PDZD2: variants seen among roughly 807,000 people sequenced by gnomAD.
PDZD2 encodes the protein PDZ domain-containing protein 2.
A neutral mutation model predicts 220.7 loss-of-function variants in PDZD2; 90 were observed. The ratio of observed to expected loss-of-function variants is 0.41; its 90% CI spans 0.34 to 0.49. The LOEUF is 0.49. Ranked by LOEUF, PDZD2 falls within the 20% of genes least tolerant of loss-of-function variation. PDZD2 has a pLI of 0.28. For synonymous variants in PDZD2, 1,375 were observed against 1,450.5 expected, an observed-to-expected ratio of 0.95 and a Z score of 1.18; for missense variants, 3,174 against 3,608.5, an observed-to-expected ratio of 0.88 and a Z score of 3.08.
rs768997281 is a variant in PDZD2 at position 32,098,581 on chromosome 5, C to G, written c.8165C>G (p.Ala2722Gly). 8 of 1,613,950 alleles carry G rather than the reference C, an allele frequency of 5.0e-6. No homozygotes were observed. Among genetic ancestry groups the G allele is most frequent in the Middle Eastern group, 1.6e-4 (1 of 6,082 alleles). Residue 2722 changes from alanine to glycine, a missense_variant, in exon 23 of 25, where the codon GCC (alanine) becomes GGC (glycine). By Grantham distance (60) the Ala-to-Gly change is moderately conservative. Transcript: ENST00000438447. This position sits in a 1 kb window ranked among gnomAD's most constrained non-coding sequence, Gnocchi z 4.1. ...TCTGCCCGGCAGGAGCCTCCCACAG[C>G]CAATGGGAAGGGTTTGCTGTCCAGA... ...RPSARQEPPT[A>G]NGKGLLSRKT...
At chr5:31,921,183 C>T (rs1238451672) in intron 2 of PDZD2, among the ~76,000 whole-genome samples, 1 of 152,126 alleles carries the variant, frequency 6.6e-6, no homozygotes, top group Non-Finnish European at 1.5e-5. Flanking sequence ...AGCCTGGTGC[C>T]AGAGAAGAAA....
chr5:32,034,464 T>C (rs1185507603), intron 6 of PDZD2, among the ~76,000 whole-genome samples: 3 of 151,736 alleles, frequency 2.0e-5, no homozygotes, highest in African/African-American at 7.3e-5. Context: ...GCTCGAGCTA[T>C]TCTTGTGCCT....
intron 2 of PDZD2, among the ~76,000 whole-genome samples, chr5:31,856,925 T>C: frequency 6.9e-6 from 1 of 145,570 alleles, no homozygotes. Flanking sequence ...TATATATATA[T>C]ATATATATAT....
intron 17 of PDZD2, among the ~76,000 whole-genome samples, chr5:32,073,125 C>T (rs1385446566): frequency 6.6e-6 from 1 of 152,056 alleles, no homozygotes; most frequent in Non-Finnish European, 1.5e-5. Flanking sequence ...GAGGTTTCCT[C>T]TTAATTTCTA....
At position 32,109,905 on chromosome 5, in the gene PDZD2, CTCA is replaced by C. The variant is rs139747768; in HGVS notation, c.*1774_*1776del. On this transcript the variant is annotated 3_prime_UTR_variant, in exon 25 of 25. Transcript: ENST00000438447. Reference sequence around the variant, plus strand: ...AGCTGGCTTGTCTGAGTCCAGATTTCTCATCAACTGGCAATACAAAGGAAAATA... The same window carrying C: ...AGCTGGCTTGTCTGAGTCCAGATTTCTCAACTGGCAATACAAAGGAAAATA... The C allele has an allele frequency of 2.0e-5, 3 of 152,612 alleles. No individual in the cohort carries two copies. Among genetic ancestry groups the C allele is most frequent in the Non-Finnish European group, 4.4e-5 (3 of 68,032 alleles). 9.5% of individuals were successfully genotyped at this position (152,612 alleles called of 1,614,324 possible).
In PDZD2 at chr5:31,768,416, G is replaced by A. The variant is rs10073946; in HGVS notation, c.-360-30473G>A. Among the ~76,000 whole-genome samples, 1,127 of 152,178 alleles carry A rather than the reference G, an allele frequency of 7.4e-3. 11 individuals carry two copies. Among genetic ancestry groups the A allele is most frequent in the African/African-American group, 0.026 (1,085 of 41,526 alleles). Reference sequence around the variant, plus strand: ...CCAGCACTTTGGGAGCCTGAGGTGGGTGGATCACAAGGTCAGGAGTTTGAG... The same window carrying A: ...CCAGCACTTTGGGAGCCTGAGGTGGATGGATCACAAGGTCAGGAGTTTGAG... On this transcript the variant is annotated intron_variant, in intron 1 of 24. Transcript: ENST00000438447.
intron 1 of PDZD2, among the ~76,000 whole-genome samples, chr5:31,759,902 T>G (rs1352403190): frequency 6.6e-6 from 1 of 152,186 alleles, no homozygotes; most frequent in Non-Finnish European, 1.5e-5. Context: ...TTGTCATTCA[T>G]TCTGATGCCT....
In PDZD2 at chr5:31,819,285, A is replaced by G. The variant is rs559362425; in HGVS notation, c.476+19561A>G. On this transcript the variant is annotated intron_variant, in intron 2 of 24. Transcript: ENST00000438447. ...CTTTTTAACAGCTGTATAGTATCCC[A>G]CTGGAGGTTCCTCATGTGATTTATT... 2.6e-5 allele frequency among the ~76,000 whole-genome samples: 4 copies of G among 152,216 alleles called. No homozygotes were observed. In the South Asian group the frequency reaches 8.3e-4, roughly 32 times the overall value.
intron 19 of PDZD2, among the ~76,000 whole-genome samples, chr5:32,082,762 A>C (rs2112443957): frequency 6.6e-6 from 1 of 152,314 alleles, no homozygotes; most frequent in East Asian, 1.9e-4. Context: ...TTCCTAAGAA[A>C]GTTTTAGAAA....
intron 2 of PDZD2, among the ~76,000 whole-genome samples, chr5:31,945,349 A>G (rs891813562): frequency 1.8e-4 from 27 of 152,222 alleles, no homozygotes; most frequent in Admixed American, 3.9e-4. Context: ...GGAGACTGGC[A>G]TTGAGCATTC....
intron 5 of PDZD2, among the ~76,000 whole-genome samples, chr5:32,006,265 C>T (rs186794253): frequency 4.6e-5 from 7 of 151,590 alleles, no homozygotes; most frequent in African/African-American, 1.5e-4. Context: ...TTATTACATA[C>T]ATTATTAATA....
intron 1 of PDZD2, among the ~76,000 whole-genome samples, chr5:31,711,532 C>T (rs1748102358): frequency 6.6e-6 from 1 of 152,202 alleles, no homozygotes; most frequent in African/African-American, 2.4e-5. Context: ...AGAAGCATTT[C>T]CCTGGAGCTG....
intron 6 of PDZD2, among the ~76,000 whole-genome samples, chr5:32,017,679 T>G (rs1489093101): frequency 6.6e-6 from 1 of 152,192 alleles, no homozygotes; most frequent in Non-Finnish European, 1.5e-5. Flanking sequence ...GATAAGTAGA[T>G]TTCTTCCTTT....
chr5:32,104,247 GT>G (rs1744520980), intron 24 of PDZD2, among the ~76,000 whole-genome samples: 1 of 151,980 alleles, frequency 6.6e-6, no homozygotes, highest in African/African-American at 2.4e-5. Flanking sequence ...ATGAGTACAG[GT>G]TTTCTGTTCA....
chr5:31,749,482 G>T (rs1750806933), intron 1 of PDZD2, among the ~76,000 whole-genome samples: 1 of 150,338 alleles, frequency 6.7e-6, no homozygotes, highest in Non-Finnish European at 1.5e-5. Flanking sequence ...GGAGTGCAGT[G>T]GCATGATCTC....
At chr5:32,001,219 A>G (rs1309457471) in intron 5 of PDZD2, among the ~76,000 whole-genome samples, 1 of 152,172 alleles carries the variant, frequency 6.6e-6, no homozygotes, top group Non-Finnish European at 1.5e-5. Flanking sequence ...AGAGCTAAAG[A>G]AAAGGTAAGA....
chr5:32,107,179 G>A (rs745516234), intron 24 of PDZD2: 4 of 152,036 alleles, frequency 2.6e-5, no homozygotes, highest in Non-Finnish European at 5.9e-5. Context: ...GTGTGAGAAC[G>A]TAAATGGAGG....
chr5:31,727,783 A>T (rs1749257528), intron 1 of PDZD2, among the ~76,000 whole-genome samples: 1 of 151,722 alleles, frequency 6.6e-6, no homozygotes, highest in African/African-American at 2.4e-5. Context: ...CGGGCGGATC[A>T]CGAGGTCAGG....
intron 2 of PDZD2, among the ~76,000 whole-genome samples, chr5:31,879,050 C>G (rs1044892110): frequency 2.6e-5 from 4 of 151,820 alleles, no homozygotes; most frequent in Admixed American, 6.6e-5. Flanking sequence ...CGTTTATATT[C>G]TAATTACTGT....
Sources: allele counts gnomAD v4.1 joint callset (sites outside exome capture counted in the v4.1 genomes callset), GRCh38; gene constraint gnomAD v4.1.1; non-coding constraint Gnocchi (gnomAD v3.1); transcripts MANE v1.5; gene names NCBI Gene and HGNC (gene_info 2026-07-23, HGNC 2026-07-21).